POLR3H: variants seen among roughly 807,000 people sequenced by gnomAD.
POLR3H encodes the protein DNA-directed RNA polymerase III subunit RPC8.
Under a neutral mutation model 25.5 loss-of-function variants are expected in POLR3H, and 17 were observed. The ratio of observed to expected loss-of-function variants is 0.67; its 90% CI spans 0.46 to 1.00. The LOEUF is 1.00. POLR3H is among the 50% of genes least tolerant of loss of function. The pLI is 0.00. For synonymous variants in POLR3H, 129 were observed against 103.0 expected, an observed-to-expected ratio of 1.25 and a Z score of -1.53; for missense variants, 274 against 265.0, an observed-to-expected ratio of 1.03 and a Z score of -0.24.
rs1259595809 is a variant in POLR3H, at chr22:41,533,594, C to T, written c.209-849G>A. On this transcript the variant is annotated intron_variant, in intron 2 of 5. Transcript: ENST00000355209. The stretch of plus-strand genomic sequence containing the variant: ...TCCCAAACACAGGCTTCCACGATGC[C>T]GTCAACCATTTAGTCGGCCAACATG... 30 of 1,299,948 alleles carry T rather than the reference C, an allele frequency of 2.3e-5. No homozygotes were observed. The East Asian group carries it at 4.4e-4, about 19-fold the overall frequency. 80.5% of individuals were successfully genotyped at this position (1,299,948 alleles called of 1,614,324 possible).
Position 41,529,067 on chromosome 22 carries a change from A to T in POLR3H, c.*216T>A. On this transcript the variant is annotated 3_prime_UTR_variant, in exon 6 of 6. Transcript: ENST00000355209. The stretch of plus-strand genomic sequence containing the variant: ...TTTCAGTCAAGGTCAGTGGAGGCCC[A>T]ACAGCCACAGCCACAGATGGATCCA... 1 of 579,462 alleles carries T rather than the reference A, an allele frequency of 1.7e-6. No individual in the cohort carries two copies. Among genetic ancestry groups the T allele is most frequent in the Non-Finnish European group, 3.1e-6 (1 of 326,742 alleles). 35.9% of individuals were successfully genotyped at this position (579,462 alleles called of 1,614,324 possible).
At position 41,529,280 on chromosome 22, in the gene POLR3H, G is replaced by T; in HGVS notation, c.*3C>A. The T allele has an allele frequency of 6.2e-7, 1 of 1,612,888 alleles. No homozygotes were observed. Among genetic ancestry groups the T allele is most frequent in the Non-Finnish European group, 8.5e-7 (1 of 1,179,516 alleles). On this transcript the variant is annotated 3_prime_UTR_variant, in exon 6 of 6. Coordinates refer to ENST00000355209, the MANE Select transcript of POLR3H (RefSeq NM_001018050.4). ...TGGTAGGGTCCACTGTCCAGCCCCA[G>T]GGCTAGTTGCTGGTCCACCAGGAGA...
In POLR3H at chr22:41,527,511, T is replaced by G; in HGVS notation, c.*1772A>C. ...CCCGTGGCTGAGTTGGGCCTGGTTC[T>G]AGGCTGTGTCCACTGCAGCCCACAG... is the stretch of plus-strand genomic sequence containing the variant. On this transcript the variant is annotated 3_prime_UTR_variant, in exon 6 of 6. Coordinates refer to ENST00000355209, the MANE Select transcript of POLR3H (RefSeq NM_001018050.4). 4.6e-6 allele frequency: 7 copies of G among 1,512,312 alleles called. No individual in the cohort carries two copies. Among genetic ancestry groups the G allele is most frequent in the Non-Finnish European group, 6.2e-6 (7 of 1,127,804 alleles). The allele number at this position is 1,512,312 out of a possible 1,614,324, so 93.7% of individuals were successfully genotyped here. A position where few individuals can be genotyped will look rare whatever the true frequency, so the allele number is the denominator to read the frequency against.
chr22:41,529,577 C>T (rs2066680207), intron 5 of POLR3H: 1 of 699,100 alleles, frequency 1.4e-6, no homozygotes, highest in South Asian at 1.5e-5. Flanking sequence ...CCCTTCCTCA[C>T]CCTTAGGCCT....
chr22:41,530,629 G>T, intron 5 of POLR3H, 58 bp downstream of exon 5: 1 of 1,490,308 alleles, frequency 6.7e-7, no homozygotes. Flanking sequence ...ACAGCTTCCA[G>T]CCCTGCACTC....
chr22:41,532,367 T>G (rs73178626), intron 3 of POLR3H, among the ~76,000 whole-genome samples: 28,419 of 151,358 alleles, frequency 0.19, 3,537 homozygotes, highest in Admixed American at 0.38. Context: ...GAGCACCTAG[T>G]CCCCAAAACC....
At position 41,526,641 on chromosome 22, in the gene POLR3H, C is replaced by T. The variant is rs923776677; in HGVS notation, c.*2642G>A. The stretch of plus-strand genomic sequence containing the variant: ...GCTGAGAAGGCATGAGGCCCAGGTC[C>T]GGTGGTACAGCCGGGTCCCTGCACC... On this transcript the variant is annotated 3_prime_UTR_variant, in exon 6 of 6. Transcript: ENST00000355209. 3.8e-5 allele frequency: 21 copies of T among 556,620 alleles called. No individual in the cohort carries two copies. The highest frequency in any genetic ancestry group is 6.1e-5 in the South Asian group (2 of 32,986). 34.5% of individuals were successfully genotyped at this position (556,620 alleles called of 1,614,324 possible).
chr22:41,540,566 C>A (rs1321533414), intron 2 of POLR3H, 133 bp downstream of exon 2: 3 of 750,900 alleles, frequency 4.0e-6, no homozygotes. Context: ...TGGCCTTGAA[C>A]TCTGTGGCTC....
chr22:41,526,735 A>G lies in POLR3H; in HGVS notation c.*2548T>C. ...CAAAGACAAGGAAGGGGGCCGACTC[A>G]GGAAGTCAGAGGCCAAAAGCTCAGA... is the stretch of plus-strand genomic sequence containing the variant. On this transcript the variant is annotated 3_prime_UTR_variant, in exon 6 of 6. Coordinates refer to ENST00000355209, the MANE Select transcript of POLR3H (RefSeq NM_001018050.4). 2.6e-6 allele frequency: 1 copy of G among 390,854 alleles called. No homozygotes were observed. The highest frequency in any genetic ancestry group is 4.7e-6 in the Non-Finnish European group (1 of 214,980). 24.2% of individuals were successfully genotyped at this position (390,854 alleles called of 1,614,324 possible).
chr22:41,539,941 A>T (rs1265635297), intron 2 of POLR3H: 1 of 156,674 alleles, frequency 6.4e-6, no homozygotes, highest in African/African-American at 2.4e-5. Flanking sequence ...TTAGGTGCCA[A>T]GGCTCTGTCC....
Position 41,526,736 on chromosome 22 carries a change from G to A in POLR3H, c.*2547C>T. Reference sequence around the variant, plus strand: ...AAAGACAAGGAAGGGGGCCGACTCAGGAAGTCAGAGGCCAAAAGCTCAGAG... The same window carrying A: ...AAAGACAAGGAAGGGGGCCGACTCAAGAAGTCAGAGGCCAAAAGCTCAGAG... On this transcript the variant is annotated 3_prime_UTR_variant, in exon 6 of 6. Transcript: ENST00000355209. 1 of 392,054 alleles carries A rather than the reference G, an allele frequency of 2.6e-6. No individual in the cohort carries two copies. The highest frequency in any genetic ancestry group is 4.6e-6 in the Non-Finnish European group (1 of 215,834). The allele number at this position is 392,054 out of a possible 1,614,324, so 24.3% of individuals were successfully genotyped here.
chr22:41,533,878 T>A (rs1453042043), intron 2 of POLR3H, among the ~76,000 whole-genome samples: 2 of 152,032 alleles, frequency 1.3e-5, no homozygotes, highest in East Asian at 3.9e-4. Context: ...GTGGCTCAAG[T>A]CTGTAATCTC....
rs1220373090 is a variant in POLR3H at position 41,544,333 on chromosome 22, G to C, written c.-232C>G. The stretch of plus-strand genomic sequence containing the variant: ...TCTCCGTCCACAGCTCCGGGTGCGC[G>C]CCCGCGCCGCGAGACCCCGCCACGC... On this transcript the variant is annotated 5_prime_UTR_variant, in exon 1 of 6. Coordinates refer to ENST00000355209, the MANE Select transcript of POLR3H (RefSeq NM_001018050.4). 2 of 410,532 alleles carry C rather than the reference G, an allele frequency of 4.9e-6. No individual in the cohort carries two copies. The highest frequency in any genetic ancestry group is 8.7e-6 in the Non-Finnish European group (2 of 230,298). The allele number at this position is 410,532 out of a possible 1,614,324, so 25.4% of individuals were successfully genotyped here. A position where few individuals can be genotyped will look rare whatever the true frequency, so the allele number is the denominator to read the frequency against.
At position 41,528,146 on chromosome 22, in the gene POLR3H, C is replaced by T; in HGVS notation, c.*1137G>A. ...ATTCCAGCTGGAAAGGCCCCCAGTTCTCCAGGTGGCCCCACAGAGAAAGCA... is the reference window on the plus strand; with the variant it reads ...ATTCCAGCTGGAAAGGCCCCCAGTTTTCCAGGTGGCCCCACAGAGAAAGCA... On this transcript the variant is annotated 3_prime_UTR_variant, in exon 6 of 6. Transcript: ENST00000355209. 8 of 1,429,840 alleles carry T rather than the reference C, an allele frequency of 5.6e-6. No individual in the cohort carries two copies. Among genetic ancestry groups the T allele is most frequent in the Non-Finnish European group, 6.6e-6 (7 of 1,055,698 alleles). 88.6% of individuals were successfully genotyped at this position (1,429,840 alleles called of 1,614,324 possible).
chr22:41,532,081 C>T lies in POLR3H; in HGVS notation c.359+13G>A. On this transcript the variant is annotated intron_variant, in intron 4 of 5. Transcript: ENST00000355209. Reference sequence around the variant, plus strand: ...GCTCCCTGTGACAAACCACTTTAACCCTTGGAGGATACAACTTGGCTGGCT... The same window carrying T: ...GCTCCCTGTGACAAACCACTTTAACTCTTGGAGGATACAACTTGGCTGGCT... 6.2e-7 allele frequency: 1 copy of T among 1,613,502 alleles called. No individual in the cohort carries two copies. The highest frequency in any genetic ancestry group is 8.5e-7 in the Non-Finnish European group (1 of 1,179,452).
chr22:41,536,436 G>A (rs2066847246), intron 2 of POLR3H, among the ~76,000 whole-genome samples: 1 of 151,916 alleles, frequency 6.6e-6, no homozygotes, highest in Non-Finnish European at 1.5e-5. Flanking sequence ...GGTGAAGGTT[G>A]CATAAGAATA....
At chr22:41,529,950 T>G (rs2146168435) in intron 5 of POLR3H, among the ~76,000 whole-genome samples, 1 of 151,746 alleles carries the variant, frequency 6.6e-6, no homozygotes, top group East Asian at 2.0e-4. Flanking sequence ...AGAGATGGGG[T>G]TTCACCGTGT....
chr22:41,544,128 AC>A lies in POLR3H; in HGVS notation c.-28del. ...CCGGCCTGCGCTGGGGGCTCTGGGAACAGGAGGGTCAGTCACGCACCAGGGC... is the reference window on the plus strand; with the variant it reads ...CCGGCCTGCGCTGGGGGCTCTGGGAAAGGAGGGTCAGTCACGCACCAGGGC... On this transcript the variant is annotated 5_prime_UTR_variant, in exon 1 of 6. Transcript: ENST00000355209. 6.8e-7 allele frequency: 1 copy of A among 1,471,470 alleles called. No homozygotes were observed. The highest frequency in any genetic ancestry group is 1.1e-5 in the South Asian group (1 of 87,332). The allele number at this position is 1,471,470 out of a possible 1,614,324, so 91.2% of individuals were successfully genotyped here.
rs2066620517 is a variant in POLR3H at position 41,527,268 on chromosome 22, T to C, written c.*2015A>G. ...GGTGCCCTCCTCTGCCTTATAACCT[T>C]ACCCCCGCTTGCCTGACAGAAACAT... On this transcript the variant is annotated 3_prime_UTR_variant, in exon 6 of 6. Coordinates refer to ENST00000355209, the MANE Select transcript of POLR3H (RefSeq NM_001018050.4). 3 of 1,613,928 alleles carry C rather than the reference T, an allele frequency of 1.9e-6. No individual in the cohort carries two copies. The highest frequency in any genetic ancestry group is 2.5e-6 in the Non-Finnish European group (3 of 1,179,974).
Sources: allele counts gnomAD v4.1 joint callset (sites outside exome capture counted in the v4.1 genomes callset), GRCh38; gene constraint gnomAD v4.1.1; transcripts MANE v1.5; gene names NCBI Gene and HGNC (gene_info 2026-07-23, HGNC 2026-07-21).